SH3PXD2A: variants seen among roughly 807,000 people sequenced by gnomAD.
SH3PXD2A encodes SH3 and PX domains 2A.
SH3PXD2A carries 32 observed loss-of-function variants against 115.2 expected under a neutral mutation model. The observed-to-expected ratio is 0.28, with a 90% CI of 0.21 to 0.37. The LOEUF (loss-of-function observed/expected upper bound fraction) is 0.37, where lower values mean the gene tolerates loss of function less well. SH3PXD2A is among the 10% of genes least tolerant of loss of function. The pLI, the probability that SH3PXD2A is intolerant of heterozygous loss-of-function variation, is 1.00. For synonymous variants in SH3PXD2A, 610 were observed against 629.1 expected (o/e 0.97, Z 0.45); for missense variants, 1,328 against 1,498.7 (o/e 0.89, Z 1.88).
At chr10:103,724,507 ACCC>A (rs2038218180) in intron 4 of SH3PXD2A, 146 bp from the exon 5 acceptor site, 3 of 520,446 alleles carry the variant, frequency 5.8e-6, no homozygotes, top group Non-Finnish European at 6.9e-6. Flanking sequence ...CCACCTGTCC[ACCC>A]AGAAAACTAA....
At chr10:103,781,655 T>C (rs1188158399) in intron 2 of SH3PXD2A, among the ~76,000 whole-genome samples, 2 of 152,210 alleles carry the variant, frequency 1.3e-5, no homozygotes, top group East Asian at 3.8e-4. Flanking sequence ...AAGTCAGGCA[T>C]TACATTCCCT....
At chr10:103,719,876 C>A (rs997589253) in intron 5 of SH3PXD2A, among the ~76,000 whole-genome samples, 1 of 151,954 alleles carries the variant, frequency 6.6e-6, no homozygotes, top group Non-Finnish European at 1.5e-5. Context: ...CGTGCCACCA[C>A]GCCTGGCTAA....
intron 2 of SH3PXD2A, among the ~76,000 whole-genome samples, chr10:103,801,065 A>T (rs1043262396): frequency 3.9e-5 from 6 of 152,182 alleles, no homozygotes; most frequent in South Asian, 2.1e-4. Context: ...TGTTAAGACC[A>T]TCAGAGGAGG....
chr10:103,799,051 T>C (rs1198674265), intron 2 of SH3PXD2A, among the ~76,000 whole-genome samples: 2 of 152,178 alleles, frequency 1.3e-5, no homozygotes, highest in African/African-American at 4.8e-5. Flanking sequence ...ACCTTCACAC[T>C]ACAGATGAGA....
At chr10:103,816,770 A>G (rs1297242432) in intron 1 of SH3PXD2A, among the ~76,000 whole-genome samples, 1 of 152,244 alleles carries the variant, frequency 6.6e-6, no homozygotes, top group Non-Finnish European at 1.5e-5. Context: ...TAACTAAAAC[A>G]TGAAAATAAC....
intron 1 of SH3PXD2A, among the ~76,000 whole-genome samples, chr10:103,828,233 C>T (rs945883180): frequency 6.6e-6 from 1 of 152,190 alleles, no homozygotes; most frequent in Non-Finnish European, 1.5e-5. Flanking sequence ...GTGTGAGTGC[C>T]AGGTCCCAAA....
chr10:103,844,785 T>C (rs1178431305), intron 1 of SH3PXD2A, among the ~76,000 whole-genome samples: 1 of 152,156 alleles, frequency 6.6e-6, no homozygotes, highest in Admixed American at 6.5e-5. Flanking sequence ...CATACCTTCA[T>C]GGCCACCCTG....
At chr10:103,772,477 C>T (rs999296135) in intron 2 of SH3PXD2A, among the ~76,000 whole-genome samples, 2 of 152,224 alleles carry the variant, frequency 1.3e-5, no homozygotes, top group African/African-American at 4.8e-5. Flanking sequence ...CTGACTCAGG[C>T]TGGAGGAAAA....
At position 103,603,033 on chromosome 10, in the gene SH3PXD2A, G is replaced by A. The variant is rs74788555; in HGVS notation, c.2185C>T (p.Arg729Cys). 2,733 of 1,614,058 alleles carry A rather than the reference G, an allele frequency of 1.7e-3. 44 individuals are homozygous for A. In the African/African-American group the frequency reaches 0.031, roughly 18 times the overall value. Reference sequence around the variant, plus strand: ...TTTGCCCTGACCTTGGGAGTGCCGCGGATGCCTGCGTCCGAAGCAGAGCGG... The same window carrying A: ...TTTGCCCTGACCTTGGGAGTGCCGCAGATGCCTGCGTCCGAAGCAGAGCGG... ...KPRSASDAGI[R>C]GTPKVRAKKD... The change falls in exon 15 of 15, where the codon CGC (arginine) becomes TGC (cysteine). Residue 729 changes from arginine (R) to cysteine (C), a missense_variant. Around this residue, in one of 5 missense-constraint regions of SH3PXD2A, gnomAD observed 574 missense variants for 565.7 expected, o/e 1.01. Coordinates refer to ENST00000369774, the MANE Select transcript of SH3PXD2A (RefSeq NM_001394015.1).
chr10:103,734,486 C>T (rs374144829), intron 4 of SH3PXD2A, among the ~76,000 whole-genome samples: 8 of 152,188 alleles, frequency 5.3e-5, no homozygotes, highest in South Asian at 2.1e-4. Flanking sequence ...CGGTGGCTCA[C>T]GCCTGTAATC....
At chr10:103,650,925 C>T (rs975756330) in intron 8 of SH3PXD2A, among the ~76,000 whole-genome samples, 1 of 152,218 alleles carries the variant, frequency 6.6e-6, no homozygotes, top group Non-Finnish European at 1.5e-5. Context: ...TCCACGTGCA[C>T]CCCAGTGCTG....
chr10:103,693,348 G>C (rs1459131518), intron 5 of SH3PXD2A: 1 of 151,410 alleles, frequency 6.6e-6, no homozygotes, highest in African/African-American at 2.4e-5. Context: ...CCTAAGCCTT[G>C]GCGGGGAAGG....
intron 3 of SH3PXD2A, among the ~76,000 whole-genome samples, chr10:103,741,440 T>C (rs1293028750): frequency 6.6e-6 from 1 of 152,190 alleles, no homozygotes; most frequent in Admixed American, 6.5e-5. Flanking sequence ...CACCCCACTC[T>C]GGCCCTCTCT....
At chr10:103,736,479 A>C (rs992555904) in intron 3 of SH3PXD2A, among the ~76,000 whole-genome samples, 3 of 152,260 alleles carry the variant, frequency 2.0e-5, no homozygotes, top group African/African-American at 7.2e-5. Context: ...ATTCAATCAT[A>C]ACAAATGCAT....
Position 103,784,571 on chromosome 10 carries a change from G to T in SH3PXD2A, c.153+16711C>A, listed in dbSNP as rs2134244549. 6.6e-6 allele frequency among the ~76,000 whole-genome samples: 1 copy of T among 152,300 alleles called. No individual in the cohort carries two copies. Among genetic ancestry groups the T allele is most frequent in the African/African-American group, 2.4e-5 (1 of 41,556 alleles). On this transcript the variant is annotated intron_variant, in intron 2 of 14. Transcript: ENST00000369774. This position sits in a 1 kb window ranked among gnomAD's most constrained non-coding sequence, Gnocchi z 4.4. ...CTGTGATATCATTTTCTATAGGATT[G>T]AAAACATTCCTAATTACAAATAAAC...
chr10:103,688,882 T>C (rs1234657248), intron 6 of SH3PXD2A, among the ~76,000 whole-genome samples: 3 of 152,232 alleles, frequency 2.0e-5, no homozygotes, highest in Admixed American at 6.5e-5. Flanking sequence ...ATTTATTTAT[T>C]TAGAGATAGG....
rs537610206 is a variant in SH3PXD2A at position 103,689,730 on chromosome 10, C to A, written c.427+3298G>T. Among the ~76,000 whole-genome samples the A allele has an allele frequency of 4.1e-4, 62 of 152,070 alleles. No homozygotes were observed. In the South Asian group the frequency reaches 0.012, roughly 29 times the overall value. On this transcript the variant is annotated intron_variant, in intron 6 of 14. Transcript: ENST00000369774. ...GGCTTGAGCAATGGGGTGGATGGTG[C>A]CAGTTCCTGAGATGGGGAAGATGCT... is the stretch of plus-strand genomic sequence containing the variant.
chr10:103,767,805 G>GTTTTTTT (rs1564884148), intron 2 of SH3PXD2A, among the ~76,000 whole-genome samples: 2 of 92,638 alleles, frequency 2.2e-5, no homozygotes, highest in East Asian at 3.4e-4. Context: ...AGGAACAACT[G>GTTTTTTT]TTTTGTTTTT....
rs577404158 is a variant in SH3PXD2A at position 103,744,920 on chromosome 10, C to T, written c.230-9112G>A. On this transcript the variant is annotated intron_variant, in intron 3 of 14. Coordinates refer to ENST00000369774, the MANE Select transcript of SH3PXD2A (RefSeq NM_001394015.1). ...GCCAGCTTTTAATTATTACAGTGCC[C>T]GATTTTCTTTTGGGAAACAATCCCT... Among the ~76,000 whole-genome samples, 9 of 152,266 alleles carry T rather than the reference C, an allele frequency of 5.9e-5. No individual in the cohort carries two copies. The East Asian group carries it at 7.7e-4, about 13-fold the overall frequency.
Sources: allele counts gnomAD v4.1 joint callset (sites outside exome capture counted in the v4.1 genomes callset), GRCh38; gene constraint gnomAD v4.1.1; regional missense constraint gnomAD v4.1.1; non-coding constraint Gnocchi (gnomAD v3.1); transcripts MANE v1.5; gene names NCBI Gene and HGNC (gene_info 2026-07-23, HGNC 2026-07-21).